DSC2: variants seen among roughly 807,000 people sequenced by gnomAD.
The protein encoded by DSC2 is desmocollin-2.
In DSC2, 51 loss-of-function variants were observed where a neutral mutation model predicts 87.6. The ratio of observed to expected loss-of-function variants is 0.58; its 90% CI spans 0.46 to 0.74. The LOEUF is 0.74. Ranked by LOEUF, DSC2 falls within the 30% of genes least tolerant of loss-of-function variation. The probability of loss-of-function intolerance (pLI) is 0.00; values close to 1 mark genes in which losing one functional copy is unlikely to be tolerated. For synonymous variants in DSC2, 383 were observed against 393.2 expected, an observed-to-expected ratio of 0.97 and a Z score of 0.31; for missense variants, 1,066 against 1,089.5, an observed-to-expected ratio of 0.98 and a Z score of 0.30.
chr18:31,080,252 G>C lies in DSC2; in HGVS notation c.1364C>G (p.Thr455Arg). Residue 455 changes from threonine (T) to arginine (R), a missense_variant, in exon 10 of 16, where the codon ACA (threonine) becomes AGA (arginine). Physicochemically the swap from Thr to Arg is moderately conservative, Grantham distance 71. Coordinates refer to ENST00000280904, the MANE Select transcript of DSC2 (RefSeq NM_024422.6). ...TTCTACATTAACAGTAACTGTTGCT[G>C]TGCTCATGGCTGATCTTGGACTAGC... ...REASPRSAMS[T>R]ATVTVNVEDQ... The C allele has an allele frequency of 6.2e-7, 1 of 1,614,050 alleles. No individual in the cohort carries two copies. The highest frequency in any genetic ancestry group is 8.5e-7 in the Non-Finnish European group (1 of 1,180,002).
In DSC2 at chr18:31,086,617, T is replaced by C. The variant is rs576466497; in HGVS notation, c.901A>G (p.Thr301Ala). ...SPTLFSMHPT[T>A]GVITTTSSQL... The stretch of plus-strand genomic sequence containing the variant: ...GATGATGTTGTGGTGATCACGCCTG[T>C]AGTTGGATGCATAGAAAATAGGGTG... The change falls in exon 7 of 16, where the codon ACA (threonine) becomes GCA (alanine). Residue 301 changes from threonine to alanine, a missense_variant. Coordinates refer to ENST00000280904, the MANE Select transcript of DSC2 (RefSeq NM_024422.6). The C allele has an allele frequency of 6.4e-5, 103 of 1,614,046 alleles. No individual in the cohort carries two copies. Among genetic ancestry groups the C allele is most frequent in the Non-Finnish European group, 8.1e-5 (96 of 1,180,022 alleles).
In DSC2 at chr18:31,059,081, G is replaced by A. The variant is rs1192714333; in HGVS notation, c.*8934C>T. 2 of 152,148 alleles carry A rather than the reference G, an allele frequency of 1.3e-5. No individual in the cohort carries two copies. The highest frequency in any genetic ancestry group is 4.8e-5 in the African/African-American group (2 of 41,436). 9.4% of individuals were successfully genotyped at this position (152,148 alleles called of 1,614,324 possible). A position where few individuals can be genotyped will look rare whatever the true frequency, so the allele number is the denominator to read the frequency against. On this transcript the variant is annotated 3_prime_UTR_variant, in exon 16 of 16. Coordinates refer to ENST00000280904, the MANE Select transcript of DSC2 (RefSeq NM_024422.6). ...TAGAGCCCAGATCTGAACCTTGCCT[G>A]TTGGGCCCCAAGGGACCCAAAGTTC...
intron 7 of DSC2, among the ~76,000 whole-genome samples, chr18:31,084,665 C>G (rs12971083): frequency 1.4e-5 from 2 of 146,602 alleles, no homozygotes; most frequent in East Asian, 2.0e-4. Flanking sequence ...TGAGTTTTTG[C>G]TTTTTTTTTT....
intron 11 of DSC2, among the ~76,000 whole-genome samples, chr18:31,075,298 G>A (rs551734061): frequency 1.3e-5 from 2 of 152,178 alleles, no homozygotes; most frequent in Admixed American, 6.5e-5. Flanking sequence ...AAGGTAGACA[G>A]GTAGAAACTG....
chr18:31,078,436 C>T (rs1422362195), intron 11 of DSC2, among the ~76,000 whole-genome samples: 1 of 152,284 alleles, frequency 6.6e-6, no homozygotes, highest in Non-Finnish European at 1.5e-5. Context: ...CTCTCAATCA[C>T]TTAAACTCCT....
Position 31,083,030 on chromosome 18 carries a change from C to T in DSC2, c.973G>A (p.Val325Ile), listed in dbSNP as rs774922433. The T allele has an allele frequency of 1.2e-6, 2 of 1,612,734 alleles. No homozygotes were observed. The highest frequency in any genetic ancestry group is 1.7e-5 in the Admixed American group (1 of 59,998). Reference sequence around the variant, plus strand: ...AAATACTGACCATCCATGTCTTGTACTTTTATTTTCAACTGGTACTTGTCA... The same window carrying T: ...AAATACTGACCATCCATGTCTTGTATTTTTATTTTCAACTGGTACTTGTCA... ...LIDKYQLKIK[V>I]QDMDGQYFGL... The change falls in exon 8 of 16, where the codon GTA becomes ATA. Residue 325 changes from valine to isoleucine, a missense_variant. Val to Ile is a conservative substitution (Grantham distance 29). Transcript: ENST00000280904.
chr18:31,059,425 T>C lies in DSC2; in HGVS notation c.*8590A>G, dbSNP rs1229713963. 1.3e-5 allele frequency: 2 copies of C among 152,190 alleles called. No homozygotes were observed. The highest frequency in any genetic ancestry group is 4.8e-5 in the African/African-American group (2 of 41,456). The allele number at this position is 152,190 out of a possible 1,614,324, so 9.4% of individuals were successfully genotyped here. The stretch of plus-strand genomic sequence containing the variant: ...TGCACTCAGTTATGATAATGTGAGA[T>C]GATACAGTATTTTCTTTTTGCTTTC... On this transcript the variant is annotated 3_prime_UTR_variant, in exon 16 of 16. Transcript: ENST00000280904.
rs1986477098 is a variant in DSC2 at position 31,060,326 on chromosome 18, C to T, written c.*7689G>A. ...TATTGACACCCTCTGCTCCTTTCAC[C>T]TCTGGCTTTCTGAGCCTCTCATTCC... On this transcript the variant is annotated 3_prime_UTR_variant, in exon 16 of 16. Coordinates refer to ENST00000280904, the MANE Select transcript of DSC2 (RefSeq NM_024422.6). 1 of 152,108 alleles carries T rather than the reference C, an allele frequency of 6.6e-6. No individual in the cohort carries two copies. The allele number at this position is 152,108 out of a possible 1,614,324, so 9.4% of individuals were successfully genotyped here.
chr18:31,068,223 G>GA lies in DSC2; in HGVS notation c.2509-12dup. 6.2e-7 allele frequency: 1 copy of GA among 1,613,872 alleles called. No homozygotes were observed. On this transcript the variant is annotated splice_polypyrimidine_tract_variant and intron_variant, in intron 15 of 15. Coordinates refer to ENST00000280904, the MANE Select transcript of DSC2 (RefSeq NM_024422.6). ...ACACAGATACACTTTCTGCCAAGGG[G>GA]AAAAACACAACGTTTTTATTATTAT... is the stretch of plus-strand genomic sequence containing the variant.
At chr18:31,084,719 A>G (rs1219357126) in intron 7 of DSC2, among the ~76,000 whole-genome samples, 1 of 151,496 alleles carries the variant, frequency 6.6e-6, no homozygotes, top group African/African-American at 2.4e-5. Context: ...ATGGCTATGC[A>G]GACTATAGTT....
chr18:31,079,898 C>T lies in DSC2; in HGVS notation c.1612G>A (p.Glu538Lys), dbSNP rs775704752. 5.6e-6 allele frequency: 9 copies of T among 1,614,016 alleles called. No homozygotes were observed. Among genetic ancestry groups the T allele is most frequent in the Non-Finnish European group, 7.6e-6 (9 of 1,179,978 alleles). ...TTATATATGCCATTTTTGATGGTCT[C>T]TGCCTCTCTATCCAGGCTTCTGAAA... ...KVFRSLDREA[E>K]TIKNGIYNIT... The change falls in exon 11 of 16, where the codon GAG (glutamate) becomes AAG (lysine). Residue 538 changes from glutamate to lysine, a missense_variant. Transcript: ENST00000280904.
intron 6 of DSC2, among the ~76,000 whole-genome samples, chr18:31,087,440 A>C (rs1419414986): frequency 6.6e-6 from 1 of 152,180 alleles, no homozygotes; most frequent in Non-Finnish European, 1.5e-5. Context: ...CTTCATCTTC[A>C]TAACAATCTG....
At position 31,070,870 on chromosome 18, in the gene DSC2, T is replaced by C. The variant is rs779297158; in HGVS notation, c.2126-20A>G. ...GGATGCCTGGAGGAAGAAAGAAATA[T>C]ACTTGAGTTTATCATAAAATAATAT... On this transcript the variant is annotated intron_variant, in intron 13 of 15. Coordinates refer to ENST00000280904, the MANE Select transcript of DSC2 (RefSeq NM_024422.6). 1 of 1,612,798 alleles carries C rather than the reference T, an allele frequency of 6.2e-7. No homozygotes were observed.
rs774641579 is a variant in DSC2, at chr18:31,080,180, C to T, written c.1436G>A (p.Arg479His). ...PECNPPIQTV[R>H]MKENAEVGTT... The stretch of plus-strand genomic sequence containing the variant: ...TCCCACTTCTGCATTTTCTTTCATG[C>T]GAACAGTCTGTATTGGAGGGTTACA... The change falls in exon 10 of 16, where the codon CGC becomes CAC. Residue 479 changes from arginine to histidine, a missense_variant. Transcript: ENST00000280904. The T allele has an allele frequency of 4.3e-6, 7 of 1,613,988 alleles. No homozygotes were observed. Among genetic ancestry groups the T allele is most frequent in the African/African-American group, 1.3e-5 (1 of 74,984 alleles).
In DSC2 at chr18:31,071,820, T is replaced by G; in HGVS notation, c.1910A>C (p.Tyr637Ser). The G allele has an allele frequency of 6.2e-7, 1 of 1,613,778 alleles. No homozygotes were observed. The highest frequency in any genetic ancestry group is 1.1e-5 in the South Asian group (1 of 91,082). ...AINDTAARLS[Y>S]QNDPPFGSYV... ...TGAGCCAAATGGAGGATCATTCTGATAGGAAAGACGTGCTGCTGTATCTGA... is the reference window on the plus strand; with the variant it reads ...TGAGCCAAATGGAGGATCATTCTGAGAGGAAAGACGTGCTGCTGTATCTGA... The change falls in exon 13 of 16, where the codon TAT (tyrosine) becomes TCT (serine). Residue 637 changes from tyrosine to serine, a missense_variant. Physicochemically the swap from Tyr to Ser is moderately radical, Grantham distance 144. Coordinates refer to ENST00000280904, the MANE Select transcript of DSC2 (RefSeq NM_024422.6).
chr18:31,079,747 G>A, intron 11 of DSC2, 100 bp downstream of exon 11: 1 of 1,345,904 alleles, frequency 7.4e-7, no homozygotes, highest in Non-Finnish European at 1.1e-6. Context: ...TATGAAAACA[G>A]AGTGCATGTA....
chr18:31,088,954 A>G (rs1484439741), intron 5 of DSC2, among the ~76,000 whole-genome samples: 2 of 152,076 alleles, frequency 1.3e-5, no homozygotes, highest in African/African-American at 4.8e-5. Context: ...ACCTGAGGTC[A>G]AGAGCTTGAG....
Position 31,067,842 on chromosome 18 carries a change from T to C in DSC2, c.*173A>G. The C allele has an allele frequency of 1.6e-6, 1 of 624,606 alleles. No homozygotes were observed. The allele number at this position is 624,606 out of a possible 1,614,324, so 38.7% of individuals were successfully genotyped here. A position where few individuals can be genotyped will look rare whatever the true frequency, so the allele number is the denominator to read the frequency against. Reference sequence around the variant, plus strand: ...AAATATGTAAAAATTGAAAAATTTGTGTACTTGTTTATAGTGTCTCTCTGT... The same window carrying C: ...AAATATGTAAAAATTGAAAAATTTGCGTACTTGTTTATAGTGTCTCTCTGT... On this transcript the variant is annotated 3_prime_UTR_variant, in exon 16 of 16. Transcript: ENST00000280904.
At chr18:31,097,882 T>TAATGTA (rs1987813482) in intron 1 of DSC2, among the ~76,000 whole-genome samples, 1 of 151,528 alleles carries the variant, frequency 6.6e-6, no homozygotes. Flanking sequence ...AATGGCATTT[T>TAATGTA]AATGTAATTT....
Sources: gnomAD v4.1 joint callset for allele counts (sites outside exome capture counted in the v4.1 genomes callset) on GRCh38, gnomAD v4.1.1 for gene constraint, MANE v1.5 for transcripts, NCBI Gene and HGNC (gene_info 2026-07-23, HGNC 2026-07-21) for gene names.